Variants in EFHB observed in about 807,000 individuals in gnomAD.
EFHB encodes EF-hand domain-containing family member B.
A neutral mutation model predicts 87.2 loss-of-function variants in EFHB; 91 were observed. The observed-to-expected ratio is 1.04, with a 90% CI of 0.88 to 1.24. The LOEUF (loss-of-function observed/expected upper bound fraction) is 1.24, where lower values mean the gene tolerates loss of function less well. Among genes scored for constraint, EFHB ranks in the 50% most tolerant of loss-of-function variants. EFHB has a pLI of 0.00. For missense variants in EFHB, 1,084 were observed against 998.8 expected (o/e 1.09, Z -1.15); for synonymous variants, 325 against 333.6 (o/e 0.97, Z 0.28).
At chr3:19,922,936 C>G (rs1695487468) in intron 1 of EFHB, among the ~76,000 whole-genome samples, 1 of 152,096 alleles carries the variant, frequency 6.6e-6, no homozygotes, top group Non-Finnish European at 1.5e-5. Context: ...TCGGGACTCT[C>G]CCAAAATAAA....
At chr3:19,890,433 C>A (rs1694266371) in intron 9 of EFHB, among the ~76,000 whole-genome samples, 1 of 152,108 alleles carries the variant, frequency 6.6e-6, no homozygotes, top group Admixed American at 6.6e-5. Context: ...CATAGTCAGT[C>A]CTGGGAGAGG....
At chr3:19,899,538 G>A (rs754395291) in intron 6 of EFHB, 23 bp from the exon 7 acceptor site, 1 of 1,572,688 alleles carries the variant, frequency 6.4e-7, no homozygotes, top group East Asian at 2.3e-5. Context: ...AACATTATCA[G>A]GTATCTCTAT....
At chr3:19,893,145 T>C (rs1694359304) in intron 9 of EFHB, among the ~76,000 whole-genome samples, 1 of 152,044 alleles carries the variant, frequency 6.6e-6, no homozygotes, top group Non-Finnish European at 1.5e-5. Flanking sequence ...GAGATGGAGT[T>C]TCGCCATGTT....
upstream of EFHB, among the ~76,000 whole-genome samples, chr3:19,939,188 G>A (rs987143854): frequency 7.9e-5 from 12 of 151,834 alleles, no homozygotes; most frequent in Non-Finnish European, 2.9e-5. Context: ...TTACATGCAC[G>A]AGTCAACATG....
intron 11 of EFHB, among the ~76,000 whole-genome samples, chr3:19,883,067 C>A (rs1402982809): frequency 6.6e-6 from 1 of 151,790 alleles, no homozygotes; most frequent in Non-Finnish European, 1.5e-5. Flanking sequence ...GTGGCATGAT[C>A]ACAGCTCACT....
chr3:19,939,422 G>A (rs1424030772), intron 1 of EFHB, among the ~76,000 whole-genome samples: 12 of 74,632 alleles, frequency 1.6e-4, no homozygotes, highest in Admixed American at 7.8e-4. Context: ...TCACTCTGTC[G>A]CGCCCAGGCT....
chr3:19,887,790 G>A, intron 10 of EFHB, among the ~76,000 whole-genome samples: 1 of 152,162 alleles, frequency 6.6e-6, no homozygotes, highest in East Asian at 1.9e-4. Flanking sequence ...CAAAAGTAAA[G>A]ATTATGCTGT....
chr3:19,929,355 G>GA (rs1695745688), intron 1 of EFHB, among the ~76,000 whole-genome samples: 1 of 151,844 alleles, frequency 6.6e-6, no homozygotes, highest in African/African-American at 2.4e-5. Flanking sequence ...CTATTTTATA[G>GA]AAAATTCTGG....
At chr3:19,916,000 T>C (rs1251278123) in intron 4 of EFHB, among the ~76,000 whole-genome samples, 1 of 151,932 alleles carries the variant, frequency 6.6e-6, no homozygotes, top group African/African-American at 2.4e-5. Context: ...ATATTATCAG[T>C]TAACTGTTTA....
intron 1 of EFHB, among the ~76,000 whole-genome samples, chr3:19,925,126 C>T (rs140991913): frequency 6.6e-6 from 1 of 151,910 alleles, no homozygotes; most frequent in Non-Finnish European, 1.5e-5. Context: ...CCTGTAATCC[C>T]AGCTACCCGG....
intron 9 of EFHB, among the ~76,000 whole-genome samples, chr3:19,890,915 C>G (rs896581644): frequency 3.3e-5 from 5 of 152,104 alleles, no homozygotes; most frequent in Admixed American, 6.5e-5. Context: ...CATTTTGAGG[C>G]CGGCCAACTT....
chr3:19,908,102 A>G (rs1694899752), intron 5 of EFHB, among the ~76,000 whole-genome samples: 1 of 152,220 alleles, frequency 6.6e-6, no homozygotes, highest in Non-Finnish European at 1.5e-5. Flanking sequence ...GTGAAAATAT[A>G]ATGTAGATAC....
upstream of EFHB, among the ~76,000 whole-genome samples, chr3:19,938,203 A>G (rs1184765333): frequency 6.6e-6 from 1 of 152,228 alleles, no homozygotes; most frequent in Non-Finnish European, 1.5e-5. Context: ...TTGACTGGGA[A>G]AGGACATGTG....
intron 1 of EFHB, among the ~76,000 whole-genome samples, chr3:19,930,954 G>A (rs2006688): frequency 0.21 from 32,182 of 151,898 alleles, 3,823 homozygotes; most frequent in Middle Eastern, 0.27. Flanking sequence ...CCAACATGGC[G>A]AAACCCCTTC....
At chr3:19,925,960 A>G (rs1228202053) in intron 1 of EFHB, among the ~76,000 whole-genome samples, 1 of 152,202 alleles carries the variant, frequency 6.6e-6, no homozygotes, top group African/African-American at 2.4e-5. Context: ...TTCTGCCCAG[A>G]AGACACTGAA....
intron 5 of EFHB, among the ~76,000 whole-genome samples, chr3:19,914,506 A>G (rs761102717): frequency 2.6e-5 from 4 of 152,176 alleles, no homozygotes; most frequent in Non-Finnish European, 4.4e-5. Flanking sequence ...GTAATACGCT[A>G]CTAGACATGA....
At chr3:19,883,108 C>T (rs1234573419) in intron 11 of EFHB, among the ~76,000 whole-genome samples, 2 of 152,026 alleles carry the variant, frequency 1.3e-5, no homozygotes. Flanking sequence ...TCAAGTGATC[C>T]TCCCACCTCA....
chr3:19,940,300 G>C (rs2125171750), intron 1 of EFHB: 1 of 282,642 alleles, frequency 3.5e-6, no homozygotes, highest in East Asian at 9.3e-5. Flanking sequence ...AGCACCATCA[G>C]AGGGAGGAGA....
upstream of EFHB, among the ~76,000 whole-genome samples, chr3:19,937,492 AC>A (rs1363683910): frequency 6.6e-6 from 1 of 152,124 alleles, no homozygotes; most frequent in Admixed American, 6.5e-5. Context: ...GATCATCAGG[AC>A]CAAAGCTCTG....
Sources: gnomAD v4.1 joint callset for allele counts (sites outside exome capture counted in the v4.1 genomes callset) on GRCh38, gnomAD v4.1.1 for gene constraint, MANE v1.5 for transcripts, NCBI Gene and HGNC (gene_info 2026-07-23, HGNC 2026-07-21) for gene names.